ERICH1: variants seen among roughly 807,000 people sequenced by gnomAD.
ERICH1 encodes the protein glutamate-rich protein 1.
In ERICH1, 56 loss-of-function variants were observed where a neutral mutation model predicts 39.6. The ratio of observed to expected loss-of-function variants is 1.41; its 90% CI spans 1.14 to 1.77. The LOEUF (loss-of-function observed/expected upper bound fraction) is 1.77, where lower values mean the gene tolerates loss of function less well. ERICH1 is among the 40% of genes most tolerant of loss of function. ERICH1 has a pLI of 0.00. For synonymous variants in ERICH1, 313 were observed against 223.6 expected (o/e 1.40, Z -3.57); for missense variants, 826 against 575.4 (o/e 1.44, Z -4.45).
chr8:627,325 T>G (rs796169898), intron 3 of ERICH1: 1 of 416,748 alleles, frequency 2.4e-6, no homozygotes, highest in Non-Finnish European at 5.0e-6. Flanking sequence ...AGGGCTTGAG[T>G]GAATGACAGC....
At chr8:626,734 C>A in intron 3 of ERICH1, 1 of 186,256 alleles carries the variant, frequency 5.4e-6, no homozygotes. Context: ...GCGATGCCAT[C>A]CTCATCCTGA....
chr8:692,468 A>T lies in ERICH1; in HGVS notation c.304+10T>A, dbSNP rs199810215. ...AAGATGTCTACCTTTCCTCCCACCC[A>T]GCATTTTACCTTCTGTGTCATCCCC... On this transcript the variant is annotated intron_variant, in intron 3 of 5. Transcript: ENST00000262109. 6 of 1,614,038 alleles carry T rather than the reference A, an allele frequency of 3.7e-6. No individual in the cohort carries two copies. The East Asian group carries it at 1.3e-4, about 36-fold the overall frequency.
chr8:679,766 C>T (rs541539508), intron 3 of ERICH1, among the ~76,000 whole-genome samples: 126 of 152,352 alleles, frequency 8.3e-4, no homozygotes, highest in African/African-American at 2.9e-3. Flanking sequence ...GTCACCTCCA[C>T]ACTGGGGCTC....
intron 2 of ERICH1, among the ~76,000 whole-genome samples, chr8:707,120 C>T (rs1387866774): frequency 6.6e-6 from 1 of 151,058 alleles, no homozygotes; most frequent in Non-Finnish European, 1.5e-5. Flanking sequence ...GTGGATGGTA[C>T]AGACATGGGA....
At chr8:615,521 G>T (rs1796859764) in intron 3 of ERICH1, 1 of 435,792 alleles carries the variant, frequency 2.3e-6, no homozygotes, top group Non-Finnish European at 4.0e-6. Context: ...CAAAGGGAAG[G>T]CTCAGACAAT....
chr8:713,174 C>G (rs891682468), intron 2 of ERICH1, among the ~76,000 whole-genome samples: 4 of 152,166 alleles, frequency 2.6e-5, no homozygotes, highest in African/African-American at 9.7e-5. Flanking sequence ...TAGGGTGCAC[C>G]CTGACGACTT....
rs745947825 is a variant in ERICH1, at chr8:731,151, T to C, written c.11A>G (p.His4Arg). 11 of 1,515,828 alleles carry C rather than the reference T, an allele frequency of 7.3e-6. No individual in the cohort carries two copies. The Admixed American group carries it at 1.2e-4, about 17-fold the overall frequency. The allele number at this position is 1,515,828 out of a possible 1,614,324, so 93.9% of individuals were successfully genotyped here. MAAHRKHVFVEKVL... is the reference protein window; with the variant it reads MAARRKHVFVEKVL... ...CCGCACCCACCTACCGTGCTTCCTG[T>C]GCGCCGCCATGCGGGACCCTGCCGC... Residue 4 changes from histidine to arginine, a missense_variant, in exon 1 of 6, where the codon CAC becomes CGC. His to Arg is a conservative substitution (Grantham distance 29). Coordinates refer to ENST00000262109, the MANE Select transcript of ERICH1 (RefSeq NM_207332.3).
intron 2 of ERICH1, among the ~76,000 whole-genome samples, chr8:712,419 C>T (rs1814953019): frequency 1.4e-5 from 2 of 142,238 alleles, no homozygotes; most frequent in Admixed American, 6.9e-5. Flanking sequence ...TAAATGATAC[C>T]GTGTTTTGTT....
intron 3 of ERICH1, among the ~76,000 whole-genome samples, chr8:632,987 G>C (rs1798140381): frequency 6.6e-6 from 1 of 152,236 alleles, no homozygotes; most frequent in South Asian, 2.1e-4. Flanking sequence ...AAGATGCCGA[G>C]ACGCAGGGAG....
intron 1 of ERICH1, among the ~76,000 whole-genome samples, chr8:728,700 C>T (rs556483478): frequency 2.6e-5 from 4 of 152,336 alleles, no homozygotes; most frequent in Admixed American, 2.0e-4. Context: ...CGGAGCTGCA[C>T]AGCACCTCTC....
At chr8:637,064 C>A (rs1027929828) in intron 3 of ERICH1, among the ~76,000 whole-genome samples, 4 of 152,248 alleles carry the variant, frequency 2.6e-5, no homozygotes, top group Non-Finnish European at 5.9e-5. Flanking sequence ...TGTGCAGTGA[C>A]CACACCAGGG....
chr8:629,613 C>T lies in ERICH1; in HGVS notation c.977-14329G>A, dbSNP rs1200813667. 3.0e-5 allele frequency among the ~76,000 whole-genome samples: 3 copies of T among 98,402 alleles called. No individual in the cohort carries two copies. In the East Asian group the frequency reaches 1.0e-3, roughly 33 times the overall value. 64.6% of individuals were successfully genotyped at this position (98,402 alleles called of 152,430 possible). A position where few individuals can be genotyped will look rare whatever the true frequency, so the allele number is the denominator to read the frequency against. ...CCACAGAGACAGAGCTGACTCACAC[C>T]CGCCTGTGACCACCCCAGAGACAGA... is the stretch of plus-strand genomic sequence containing the variant. On this transcript the variant is annotated intron_variant, in intron 3 of 3. Transcript: ENST00000522706.
intron 4 of ERICH1, chr8:669,002 T>C: frequency 1.7e-6 from 1 of 571,876 alleles, no homozygotes; most frequent in Non-Finnish European, 3.1e-6. Context: ...CTGGCCCGTC[T>C]ACACCTCTGT....
intron 2 of ERICH1, among the ~76,000 whole-genome samples, chr8:697,863 A>G (rs1241923994): frequency 6.6e-6 from 1 of 152,200 alleles, no homozygotes; most frequent in African/African-American, 2.4e-5. Flanking sequence ...CCTGGGCTTG[A>G]GCCCCTGGGA....
chr8:678,378 G>T (rs1805342542), intron 3 of ERICH1, among the ~76,000 whole-genome samples: 1 of 151,200 alleles, frequency 6.6e-6, no homozygotes, highest in Non-Finnish European at 1.5e-5. Context: ...ATGCAAATCA[G>T]TTAATCCGTT....
chr8:723,955 A>G (rs1817949519), intron 1 of ERICH1, among the ~76,000 whole-genome samples: 1 of 152,250 alleles, frequency 6.6e-6, no homozygotes, highest in Non-Finnish European at 1.5e-5. Context: ...TTCAATGAGT[A>G]GTAGATTCTT....
chr8:641,731 G>A (rs530062421), intron 3 of ERICH1, among the ~76,000 whole-genome samples: 3 of 152,044 alleles, frequency 2.0e-5, no homozygotes, highest in Admixed American at 1.3e-4. Flanking sequence ...CCCCCTCCCC[G>A]CCGATTCCTC....
intron 3 of ERICH1, among the ~76,000 whole-genome samples, chr8:681,678 G>A (rs889594295): frequency 1.3e-5 from 2 of 152,174 alleles, no homozygotes; most frequent in African/African-American, 4.8e-5. Flanking sequence ...CTGTTTCTTT[G>A]TAATGATGTT....
intron 3 of ERICH1, among the ~76,000 whole-genome samples, chr8:655,898 A>G (rs920938814): frequency 1.3e-5 from 2 of 152,142 alleles, no homozygotes; most frequent in African/African-American, 4.8e-5. Flanking sequence ...ACGCAGGTGC[A>G]GAGACCGCCC....
Sources: gnomAD v4.1 joint callset for allele counts (sites outside exome capture counted in the v4.1 genomes callset) on GRCh38, gnomAD v4.1.1 for gene constraint, MANE v1.5 for transcripts, NCBI Gene and HGNC (gene_info 2026-07-23, HGNC 2026-07-21) for gene names.